Variants in AMPH observed in about 807,000 individuals in gnomAD.
AMPH encodes amphiphysin (Stiff-Mann syndrome with breast cancer 128kD autoantigen).
A neutral mutation model predicts 99.1 loss-of-function variants in AMPH; 49 were observed. The observed-to-expected ratio is 0.49, with a 90% CI of 0.39 to 0.63. The LOEUF (loss-of-function observed/expected upper bound fraction) is 0.63, where lower values mean the gene tolerates loss of function less well. Ranked by LOEUF, AMPH falls within the 20% of genes least tolerant of loss-of-function variation. The pLI, the probability that AMPH is intolerant of heterozygous loss-of-function variation, is 0.00. For synonymous variants in AMPH, 314 were observed against 317.3 expected, an observed-to-expected ratio of 0.99 and a Z score of 0.11; for missense variants, 759 against 863.4, an observed-to-expected ratio of 0.88 and a Z score of 1.52.
chr7:38,434,472 G>C (rs1318187869), intron 12 of AMPH, among the ~76,000 whole-genome samples: 1 of 152,176 alleles, frequency 6.6e-6, no homozygotes, highest in Admixed American at 6.5e-5. Flanking sequence ...GGGCATGGTG[G>C]CTCATGCCTG....
intron 7 of AMPH, among the ~76,000 whole-genome samples, chr7:38,473,392 G>A (rs1032996302): frequency 6.6e-6 from 1 of 152,152 alleles, no homozygotes; most frequent in Non-Finnish European, 1.5e-5. Flanking sequence ...AAAGATATAT[G>A]TAAAGATTTT....
At chr7:38,543,408 TG>T (rs1368061685) in intron 1 of AMPH, among the ~76,000 whole-genome samples, 2 of 152,306 alleles carry the variant, frequency 1.3e-5, no homozygotes, top group East Asian at 3.9e-4. Context: ...CTTGTGATGA[TG>T]GGTATGAAAC....
intron 7 of AMPH, among the ~76,000 whole-genome samples, chr7:38,468,170 C>T (rs538672935): frequency 1.3e-5 from 2 of 152,308 alleles, no homozygotes; most frequent in South Asian, 4.1e-4. Context: ...TAGTCCCTTA[C>T]ATTACCTTAC....
chr7:38,397,648 G>GA (rs1303946885), intron 17 of AMPH, among the ~76,000 whole-genome samples: 2 of 152,252 alleles, frequency 1.3e-5, no homozygotes, highest in African/African-American at 4.8e-5. Flanking sequence ...CACACAAAGC[G>GA]AAAATGGACA....
At chr7:38,523,564 G>A (rs532326938) in intron 2 of AMPH, among the ~76,000 whole-genome samples, 20 of 152,238 alleles carry the variant, frequency 1.3e-4, no homozygotes, top group African/African-American at 3.6e-4. Context: ...CCAAAATGAC[G>A]AATAGTAATG....
rs1013796375 is a variant in AMPH at position 38,570,803 on chromosome 7, T to C, written c.70-35792A>G. Among the ~76,000 whole-genome samples the C allele has an allele frequency of 1.6e-4, 24 of 148,598 alleles. No individual in the cohort carries two copies. The East Asian group carries it at 1.8e-3, about 11-fold the overall frequency. Reference sequence around the variant, plus strand: ...TCCTAGGAGATGACAGCTGCATGTATGTTAGTGCCCTGAAAACCTTCCAGT... The same window carrying C: ...TCCTAGGAGATGACAGCTGCATGTACGTTAGTGCCCTGAAAACCTTCCAGT... On this transcript the variant is annotated intron_variant, in intron 1 of 20. Transcript: ENST00000356264.
At chr7:38,433,356 T>A (rs1167443284) in intron 12 of AMPH, among the ~76,000 whole-genome samples, 2 of 152,180 alleles carry the variant, frequency 1.3e-5, no homozygotes, top group African/African-American at 4.8e-5. Context: ...AGCCACAGTT[T>A]TTTGTACATG....
chr7:38,613,030 C>A (rs2129067166), intron 1 of AMPH, among the ~76,000 whole-genome samples: 1 of 152,212 alleles, frequency 6.6e-6, no homozygotes, highest in South Asian at 2.1e-4. Context: ...AATATTAGTT[C>A]TGACTCTAAC....
At chr7:38,584,444 T>C (rs1792574605) in intron 1 of AMPH, among the ~76,000 whole-genome samples, 1 of 152,238 alleles carries the variant, frequency 6.6e-6, no homozygotes, top group Non-Finnish European at 1.5e-5. Context: ...GATGTGGTCA[T>C]GTTCATGAGA....
chr7:38,592,200 C>T (rs975374768), intron 1 of AMPH, among the ~76,000 whole-genome samples: 3 of 152,304 alleles, frequency 2.0e-5, no homozygotes, highest in Admixed American at 1.3e-4. Flanking sequence ...TGCCTTTAAG[C>T]GGTTTTCCAC....
intron 2 of AMPH, among the ~76,000 whole-genome samples, chr7:38,520,409 C>T (rs1789913556): frequency 6.6e-6 from 1 of 152,054 alleles, no homozygotes; most frequent in Non-Finnish European, 1.5e-5. Context: ...GAGTGAGGCA[C>T]ATAATATGCA....
Position 38,503,654 on chromosome 7 carries a change from G to A in AMPH, c.201C>T (p.Ile67=). Residue 67 remains isoleucine (I), a synonymous_variant, in exon 3 of 21, where the codon ATC becomes ATT. Coordinates refer to ENST00000356264, the MANE Select transcript of AMPH (RefSeq NM_001635.4). ...TAAACAACTCATACACATTACCTTT[G>A]ATTGCTGCTAAATATCCTCGGAGTT... ...QRELRGYLAA[I]KGMQEASMKL... The A allele has an allele frequency of 6.2e-7, 1 of 1,613,914 alleles. No homozygotes were observed. Among genetic ancestry groups the A allele is most frequent in the Non-Finnish European group, 8.5e-7 (1 of 1,179,898 alleles).
chr7:38,442,334 G>C (rs1786588510), intron 11 of AMPH, among the ~76,000 whole-genome samples: 1 of 152,112 alleles, frequency 6.6e-6, no homozygotes, highest in East Asian at 1.9e-4. Flanking sequence ...TGTCCTAGTG[G>C]CTTCATCAAG....
chr7:38,573,810 C>A (rs1792134163), intron 1 of AMPH, among the ~76,000 whole-genome samples: 1 of 152,158 alleles, frequency 6.6e-6, no homozygotes, highest in Non-Finnish European at 1.5e-5. Context: ...TTGTATGGAA[C>A]CTGCTTTGTG....
At chr7:38,575,976 T>A (rs2129053718) in intron 1 of AMPH, among the ~76,000 whole-genome samples, 1 of 152,344 alleles carries the variant, frequency 6.6e-6, no homozygotes, top group Middle Eastern at 3.4e-3. Flanking sequence ...TTATAGTTTT[T>A]ATTTAGCTTC....
intron 1 of AMPH, among the ~76,000 whole-genome samples, chr7:38,599,238 G>A (rs945091132): frequency 6.6e-6 from 1 of 152,104 alleles, no homozygotes; most frequent in African/African-American, 2.4e-5. Flanking sequence ...GTTGACCCTT[G>A]AACAACACAG....
chr7:38,413,686 C>A (rs1785279359), intron 17 of AMPH, among the ~76,000 whole-genome samples: 2 of 151,830 alleles, frequency 1.3e-5, no homozygotes, highest in African/African-American at 4.8e-5. Flanking sequence ...CTCCAAGGTT[C>A]TCATAAAAAA....
In AMPH at chr7:38,473,026, C is replaced by T. The variant is rs73352693; in HGVS notation, c.590+2305G>A. Among the ~76,000 whole-genome samples, 1,305 of 152,226 alleles carry T rather than the reference C, an allele frequency of 8.6e-3. 19 individuals carry two copies. The highest frequency in any genetic ancestry group is 0.027 in the African/African-American group (1,136 of 41,532). On this transcript the variant is annotated intron_variant, in intron 7 of 20. Coordinates refer to ENST00000356264, the MANE Select transcript of AMPH (RefSeq NM_001635.4). Reference sequence around the variant, plus strand: ...TCACTAGAAAAACCTTAGTTATATACCCAATACATATTAAGGCAAATAATA... The same window carrying T: ...TCACTAGAAAAACCTTAGTTATATATCCAATACATATTAAGGCAAATAATA...
At chr7:38,592,730 C>CAA (rs397755917) in intron 1 of AMPH, among the ~76,000 whole-genome samples, 47 of 98,690 alleles carry the variant, frequency 4.8e-4, no homozygotes, top group African/African-American at 1.4e-3. Context: ...GACTCCGTCT[C>CAA]AAAAAAAAAA....
Sources: gnomAD v4.1 joint callset for allele counts (sites outside exome capture counted in the v4.1 genomes callset) on GRCh38, gnomAD v4.1.1 for gene constraint, MANE v1.5 for transcripts, NCBI Gene and HGNC (gene_info 2026-07-23, HGNC 2026-07-21) for gene names.